The following CRY1 variants were observed in gnomAD, a reference collection of about 807,000 sequenced individuals.
The protein encoded by CRY1 is cryptochrome circadian regulator 1.
CRY1 carries 45 observed loss-of-function variants against 76.0 expected under a neutral mutation model. The ratio of observed to expected loss-of-function variants is 0.59; its 90% CI spans 0.47 to 0.76. The LOEUF is 0.76. CRY1 is among the 30% of genes least tolerant of loss of function. The pLI is 0.00. For missense variants in CRY1, 587 were observed against 716.4 expected (o/e 0.82, Z 2.06); for synonymous variants, 248 against 244.0 (o/e 1.02, Z -0.15).
At position 107,077,291 on chromosome 12, in the gene CRY1, T is replaced by C. The variant is rs114011385; in HGVS notation, c.158+15513A>G. On this transcript the variant is annotated intron_variant, in intron 1 of 12. Transcript: ENST00000008527. Reference sequence around the variant, plus strand: ...ATTTCCACAGAGGTCCTTTTTAACATTGTATGTTCTAATTGTCCTTTAGTG... The same window carrying C: ...ATTTCCACAGAGGTCCTTTTTAACACTGTATGTTCTAATTGTCCTTTAGTG... Among the ~76,000 whole-genome samples the C allele has an allele frequency of 4.0e-3, 613 of 152,330 alleles. 2 individuals are homozygous for C. Among genetic ancestry groups the C allele is most frequent in the African/African-American group, 0.014 (575 of 41,572 alleles).
intron 1 of CRY1, among the ~76,000 whole-genome samples, chr12:107,032,484 G>C (rs926444058): frequency 6.7e-6 from 1 of 149,958 alleles, no homozygotes; most frequent in East Asian, 2.0e-4. Flanking sequence ...TCACAGGCTT[G>C]GTGTGCTCTG....
intron 1 of CRY1, among the ~76,000 whole-genome samples, chr12:107,064,258 C>G (rs890718173): frequency 1.3e-5 from 2 of 151,994 alleles, no homozygotes; most frequent in African/African-American, 2.4e-5. Flanking sequence ...ACTCTCAAAA[C>G]TCAGTAATAA....
At chr12:107,035,123 T>C (rs1952719459) in intron 1 of CRY1, among the ~76,000 whole-genome samples, 1 of 152,220 alleles carries the variant, frequency 6.6e-6, no homozygotes, top group Admixed American at 6.5e-5. Flanking sequence ...TGCTTTTCTG[T>C]AGTCTAACAG....
At chr12:107,089,359 A>AG (rs1384034655) in intron 1 of CRY1, among the ~76,000 whole-genome samples, 2 of 91,074 alleles carry the variant, frequency 2.2e-5, no homozygotes, top group African/African-American at 1.0e-4. Flanking sequence ...TTTAAGAGAT[A>AG]GGGTCTCTCT....
intron 1 of CRY1, among the ~76,000 whole-genome samples, chr12:107,087,698 A>T (rs1953419728): frequency 6.6e-6 from 1 of 152,198 alleles, no homozygotes; most frequent in Non-Finnish European, 1.5e-5. Context: ...CTTTGAGTTG[A>T]TGTTGAAACT....
At chr12:107,057,324 A>G (rs1271741065) in intron 1 of CRY1, among the ~76,000 whole-genome samples, 1 of 152,230 alleles carries the variant, frequency 6.6e-6, no homozygotes, top group African/African-American at 2.4e-5. Flanking sequence ...CTTAATAGGC[A>G]TAAATAATAA....
At chr12:106,995,043 C>T (rs1952218604) in intron 10 of CRY1, among the ~76,000 whole-genome samples, 1 of 152,146 alleles carries the variant, frequency 6.6e-6, no homozygotes, top group African/African-American at 2.4e-5. Context: ...CAGAGGAGGC[C>T]CAATGATGCA....
At chr12:107,023,463 G>A (rs1167329708) in intron 1 of CRY1, among the ~76,000 whole-genome samples, 1 of 152,130 alleles carries the variant, frequency 6.6e-6, no homozygotes. Flanking sequence ...AAGTTCTACT[G>A]GACAGATTGT....
At position 107,001,750 on chromosome 12, in the gene CRY1, C is replaced by A; in HGVS notation, c.595+14G>T. ...TAACTTGCAAGCCTCACACTGACTA[C>A]AGTTTACACTCACCTAGCTCTTCCA... On this transcript the variant is annotated intron_variant, in intron 4 of 12. Transcript: ENST00000008527. 1.3e-6 allele frequency: 2 copies of A among 1,526,634 alleles called. No homozygotes were observed. Among genetic ancestry groups the A allele is most frequent in the South Asian group, 2.7e-5 (2 of 74,746 alleles). 94.6% of individuals were successfully genotyped at this position (1,526,634 alleles called of 1,614,324 possible). A position where few individuals can be genotyped will look rare whatever the true frequency, so the allele number is the denominator to read the frequency against.
chr12:107,005,881 TCTC>T (rs1952368721), intron 2 of CRY1, among the ~76,000 whole-genome samples: 1 of 152,248 alleles, frequency 6.6e-6, no homozygotes, highest in African/African-American at 2.4e-5. Context: ...GTTCTGTACA[TCTC>T]CTTATACTGA....
At chr12:107,023,079 T>G in intron 1 of CRY1, among the ~76,000 whole-genome samples, 1 of 152,226 alleles carries the variant, frequency 6.6e-6, no homozygotes, top group East Asian at 1.9e-4. Flanking sequence ...TGACTCATGT[T>G]AAGTTTCATT....
At chr12:107,011,918 C>G (rs1419183334) in intron 2 of CRY1, among the ~76,000 whole-genome samples, 1 of 152,206 alleles carries the variant, frequency 6.6e-6, no homozygotes, top group East Asian at 1.9e-4. Flanking sequence ...AGGCCAGGCA[C>G]TGTGGCTCAT....
intron 7 of CRY1, among the ~76,000 whole-genome samples, chr12:106,998,693 A>ACACACACACACAC (rs1238131760): frequency 9.9e-5 from 8 of 80,554 alleles, no homozygotes; most frequent in African/African-American, 3.6e-4. Context: ...CACACACACA[A>ACACACACACACAC]GCTCAGAAAT....
chr12:107,093,064 G>C lies in CRY1; in HGVS notation c.-103C>G. The C allele has an allele frequency of 7.4e-7, 1 of 1,345,632 alleles. No individual in the cohort carries two copies. The highest frequency in any genetic ancestry group is 9.8e-7 in the Non-Finnish European group (1 of 1,024,646). 83.4% of individuals were successfully genotyped at this position (1,345,632 alleles called of 1,614,324 possible). A position where few individuals can be genotyped will look rare whatever the true frequency, so the allele number is the denominator to read the frequency against. On this transcript the variant is annotated 5_prime_UTR_variant, in exon 1 of 13. Coordinates refer to ENST00000008527, the MANE Select transcript of CRY1 (RefSeq NM_004075.5). ...AAGAGAATTGCCTCACCCGGGGCGTGAGGAAAGGGCGGCAGAGGGGGAACA... is the reference window on the plus strand; with the variant it reads ...AAGAGAATTGCCTCACCCGGGGCGTCAGGAAAGGGCGGCAGAGGGGGAACA...
chr12:107,072,556 G>T (rs1022070229), intron 1 of CRY1, among the ~76,000 whole-genome samples: 3 of 152,150 alleles, frequency 2.0e-5, no homozygotes, highest in Non-Finnish European at 4.4e-5. Context: ...TTATACTGTT[G>T]GGGGCATAAA....
intron 2 of CRY1, among the ~76,000 whole-genome samples, chr12:107,013,760 C>T (rs547069867): frequency 4.6e-5 from 7 of 152,162 alleles, no homozygotes; most frequent in African/African-American, 1.7e-4. Flanking sequence ...AAAATACATA[C>T]AAGATTTCAA....
chr12:107,050,085 G>T (rs1384266884), intron 1 of CRY1: 1 of 152,144 alleles, frequency 6.6e-6, no homozygotes, highest in Non-Finnish European at 1.5e-5. Flanking sequence ...CAAAGTGGGG[G>T]AGACACAAGG....
At chr12:107,044,080 C>G (rs1952826318) in intron 1 of CRY1, among the ~76,000 whole-genome samples, 1 of 152,106 alleles carries the variant, frequency 6.6e-6, no homozygotes, top group Admixed American at 6.6e-5. Flanking sequence ...AACCGGTATC[C>G]AACCCTGCCA....
At chr12:107,062,025 C>CAAAAAAAA (rs35683352) in intron 1 of CRY1, among the ~76,000 whole-genome samples, 109 of 92,900 alleles carry the variant, frequency 1.2e-3, no homozygotes, top group Non-Finnish European at 1.5e-3. Context: ...GACCCTGTCT[C>CAAAAAAAA]AAAAAAAAAA....
Sources: gnomAD v4.1 joint callset for allele counts (sites outside exome capture counted in the v4.1 genomes callset) on GRCh38, gnomAD v4.1.1 for gene constraint, MANE v1.5 for transcripts, NCBI Gene and HGNC (gene_info 2026-07-23, HGNC 2026-07-21) for gene names.